SYNJ2: variants seen among roughly 807,000 people sequenced by gnomAD.
SYNJ2 encodes the protein polyphosphatidylinositol phosphatase SYNJ2.
A neutral mutation model predicts 141.3 loss-of-function variants in SYNJ2; 116 were observed. The ratio of observed to expected loss-of-function variants is 0.82; its 90% CI spans 0.71 to 0.96. SYNJ2 has a LOEUF of 0.96. Among genes scored for constraint, SYNJ2 ranks in the 40% least tolerant of loss-of-function variants. The probability of loss-of-function intolerance (pLI) is 0.00; values close to 1 mark genes in which losing one functional copy is unlikely to be tolerated. For missense variants in SYNJ2, 1,873 were observed against 1,934.8 expected, an observed-to-expected ratio of 0.97 and a Z score of 0.60; for synonymous variants, 745 against 777.7, an observed-to-expected ratio of 0.96 and a Z score of 0.70.
At chr6:158,067,761 C>A (rs1781653985) in intron 12 of SYNJ2, 15 of 985,140 alleles carry the variant, frequency 1.5e-5, no homozygotes, top group Non-Finnish European at 1.8e-5. Flanking sequence ...CCTCCAAGGG[C>A]AGGTGGCAGA....
chr6:158,063,748 T>C (rs1382989303), intron 8 of SYNJ2, 43 bp from the exon 9 acceptor site: 2 of 1,586,682 alleles, frequency 1.3e-6, no homozygotes, highest in Non-Finnish European at 8.6e-7. Flanking sequence ...CACTGCTTCT[T>C]TGAAAACAAC....
chr6:158,068,528 T>A, intron 12 of SYNJ2, 119 bp from the exon 13 acceptor site: 1 of 1,073,050 alleles, frequency 9.3e-7, no homozygotes, highest in Non-Finnish European at 1.4e-6. Flanking sequence ...GGTAGCCACC[T>A]GGAGTTGGAC....
At chr6:157,998,306 A>G (rs1016293475) in intron 1 of SYNJ2, among the ~76,000 whole-genome samples, 4 of 152,224 alleles carry the variant, frequency 2.6e-5, no homozygotes, top group Non-Finnish European at 5.9e-5. Context: ...GGGACATTCC[A>G]TGTTACAAGA....
intron 1 of SYNJ2, among the ~76,000 whole-genome samples, chr6:157,999,084 C>T (rs1367936488): frequency 6.6e-6 from 1 of 152,182 alleles, no homozygotes; most frequent in Non-Finnish European, 1.5e-5. Flanking sequence ...TAAAAGAACT[C>T]CTATAGATCA....
intron 2 of SYNJ2, among the ~76,000 whole-genome samples, chr6:158,024,042 G>A (rs187218288): frequency 1.2e-4 from 18 of 152,264 alleles, no homozygotes; most frequent in Admixed American, 5.2e-4. Flanking sequence ...ATTAGAATTG[G>A]TGCAGAACCT....
intron 1 of SYNJ2, among the ~76,000 whole-genome samples, chr6:158,003,597 G>T (rs1414149503): frequency 6.6e-6 from 1 of 152,208 alleles, no homozygotes; most frequent in East Asian, 1.9e-4. Context: ...ATTGTTAAAT[G>T]ACCTCATTAT....
intron 26 of SYNJ2, among the ~76,000 whole-genome samples, chr6:158,095,319 C>T (rs1428463000): frequency 6.6e-6 from 1 of 152,148 alleles, no homozygotes; most frequent in African/African-American, 2.4e-5. Flanking sequence ...AAGAGCATCA[C>T]CCCATTTCCT....
intron 23 of SYNJ2, among the ~76,000 whole-genome samples, chr6:158,087,274 A>G (rs1454377996): frequency 6.6e-6 from 1 of 152,202 alleles, no homozygotes; most frequent in East Asian, 1.9e-4. Flanking sequence ...TAGAGGATGC[A>G]GAATGGGGGC....
rs1783905642 is a variant in SYNJ2, at chr6:158,098,594, C to CTAG, written c.*2232_*2234dup. On this transcript the variant is annotated 3_prime_UTR_variant, in exon 27 of 27. Transcript: ENST00000355585. Reference sequence around the variant, plus strand: ...TATTTATTTTTAAAATCAATGCTTACTAGTTGGTAGGATTCCCAGGTCAGC... The same window carrying CTAG: ...TATTTATTTTTAAAATCAATGCTTACTAGTAGTTGGTAGGATTCCCAGGTCAGC... The CTAG allele has an allele frequency of 6.6e-6, 1 of 150,830 alleles. No homozygotes were observed. Among genetic ancestry groups the CTAG allele is most frequent in the Non-Finnish European group, 1.5e-5 (1 of 67,834 alleles). The allele number at this position is 150,830 out of a possible 1,614,324, so 9.3% of individuals were successfully genotyped here. A position where few individuals can be genotyped will look rare whatever the true frequency, so the allele number is the denominator to read the frequency against.
intron 18 of SYNJ2, among the ~76,000 whole-genome samples, chr6:158,080,841 T>C (rs763356433): frequency 1.3e-5 from 2 of 152,194 alleles, no homozygotes; most frequent in Non-Finnish European, 2.9e-5. Context: ...AAATCATCTT[T>C]AGATAAAAAT....
At chr6:158,016,994 A>G (rs1009589736) in intron 1 of SYNJ2, 1 of 1,263,814 alleles carries the variant, frequency 7.9e-7, no homozygotes, top group Non-Finnish European at 1.0e-6. Context: ...ACTTCCAGAG[A>G]GCAAGCTGTT....
intron 11 of SYNJ2, among the ~76,000 whole-genome samples, chr6:158,065,442 C>A (rs1781507268): frequency 6.6e-6 from 1 of 152,108 alleles, no homozygotes; most frequent in Non-Finnish European, 1.5e-5. Context: ...ATGCTGTCAT[C>A]CCCTGGGGAT....
intron 4 of SYNJ2, among the ~76,000 whole-genome samples, chr6:158,042,006 C>T (rs929350299): frequency 1.3e-5 from 2 of 152,242 alleles, no homozygotes; most frequent in African/African-American, 2.4e-5. Context: ...TGAGTCACTG[C>T]GCCCAGCCTG....
chr6:158,094,394 CAAAAAAAAAAAA>C (rs532980446), intron 26 of SYNJ2, among the ~76,000 whole-genome samples: 9 of 72,950 alleles, frequency 1.2e-4, no homozygotes, highest in African/African-American at 3.8e-4. Context: ...TACGGCTGGG[CAAAAAAAAAAAA>C]AAAAAAAAAA....
intron 1 of SYNJ2, among the ~76,000 whole-genome samples, chr6:158,013,249 C>T (rs1471012284): frequency 6.6e-6 from 1 of 152,020 alleles, no homozygotes; most frequent in Non-Finnish European, 1.5e-5. Context: ...GGTATGGTGG[C>T]GCATGCCTGT....
intron 7 of SYNJ2, 141 bp downstream of exon 7, chr6:158,059,494 G>T (rs74529529): frequency 2.0e-6 from 3 of 1,467,030 alleles, no homozygotes; most frequent in Admixed American, 2.3e-5. Flanking sequence ...CCAGCATTCC[G>T]ACCAGTGAAC....
In SYNJ2 at chr6:158,068,486, C is replaced by G. The variant is rs146576036; in HGVS notation, c.1718-161C>G. On this transcript the variant is annotated intron_variant, in intron 12 of 26. Coordinates refer to ENST00000355585, the MANE Select transcript of SYNJ2 (RefSeq NM_003898.4). The stretch of plus-strand genomic sequence containing the variant: ...GCATTTAAGCCAGGCATTTCTGAAG[C>G]AGATTCCACTGGGGCAGTTCCCAGC... Among the ~76,000 whole-genome samples, 441 of 152,378 alleles carry G rather than the reference C, an allele frequency of 2.9e-3. 1 individual carries two copies. The highest frequency in any genetic ancestry group is 0.01 in the African/African-American group (429 of 41,590).
intron 1 of SYNJ2, among the ~76,000 whole-genome samples, chr6:157,998,315 G>T (rs1777711039): frequency 6.6e-6 from 1 of 152,198 alleles, no homozygotes; most frequent in African/African-American, 2.4e-5. Context: ...CATGTTACAA[G>T]AGTTACCACA....
In SYNJ2 at chr6:158,026,891, G is replaced by A. The variant is rs979705167; in HGVS notation, c.215-1865G>A. 14 of 985,354 alleles carry A rather than the reference G, an allele frequency of 1.4e-5. No homozygotes were observed. The African/African-American group carries it at 1.7e-4, about 12-fold the overall frequency. The allele number at this position is 985,354 out of a possible 1,614,324, so 61.0% of individuals were successfully genotyped here. ...GCTCTGATCACAAGCTGCCAACCCCGGAACCCCACCTATCCTACTTGAGAA... is the reference window on the plus strand; with the variant it reads ...GCTCTGATCACAAGCTGCCAACCCCAGAACCCCACCTATCCTACTTGAGAA... On this transcript the variant is annotated intron_variant, in intron 2 of 26. Transcript: ENST00000355585.
Sources: gnomAD v4.1 joint callset for allele counts (sites outside exome capture counted in the v4.1 genomes callset) on GRCh38, gnomAD v4.1.1 for gene constraint, MANE v1.5 for transcripts, NCBI Gene and HGNC (gene_info 2026-07-23, HGNC 2026-07-21) for gene names.